Variants in RTBDN observed in about 807,000 individuals in gnomAD.
RTBDN encodes the protein retbindin.
A neutral mutation model predicts 21.9 loss-of-function variants in RTBDN; 24 were observed. The ratio of observed to expected loss-of-function variants is 1.10; its 90% confidence interval spans 0.79 to 1.54. The LOEUF (loss-of-function observed/expected upper bound fraction) is 1.54, where lower values mean the gene tolerates loss of function less well. RTBDN is among the 40% of genes most tolerant of loss of function. The pLI, the probability that RTBDN is intolerant of heterozygous loss-of-function variation, is 0.00. For synonymous variants in RTBDN, 141 were observed against 125.9 expected (o/e 1.12, Z -0.80); for missense variants, 325 against 315.2 (o/e 1.03, Z -0.23).
intron 1 of RTBDN, among the ~76,000 whole-genome samples, chr19:12,833,274 G>T (rs1445006103): frequency 6.6e-6 from 1 of 152,128 alleles, no homozygotes; most frequent in African/African-American, 2.4e-5. Flanking sequence ...CTCTCCTGGG[G>T]CTGTAGAGGT....
Position 12,828,683 on chromosome 19 carries a change from C to A in RTBDN, c.339G>T (p.Pro113=). 1 of 1,613,998 alleles carries A rather than the reference C, an allele frequency of 6.2e-7. No homozygotes were observed. The highest frequency in any genetic ancestry group is 8.5e-7 in the Non-Finnish European group (1 of 1,179,924). ...LRLLGVRQAQ[P]LCEELCQAWF... is the part of the protein sequence containing the mutation. ...AGGCCTGGCAGAGCTCCTCGCAGAG[C>A]GGCTGTGCCTGGCGTACCCCCAATA... Residue 113 remains proline, a synonymous_variant, in exon 4 of 6, where the codon CCG becomes CCT. Coordinates refer to ENST00000674343, the MANE Select transcript of RTBDN (RefSeq NM_001270441.2).
chr19:12,833,050 A>G (rs1228376502), intron 1 of RTBDN: 1 of 152,246 alleles, frequency 6.6e-6, no homozygotes, highest in Non-Finnish European at 1.5e-5. Context: ...ACTACCAGCT[A>G]ATCGCTCCTA....
upstream of RTBDN, chr19:12,834,930 C>A: frequency 6.4e-7 from 1 of 1,565,612 alleles, no homozygotes; most frequent in South Asian, 1.1e-5. The surrounding 1 kb of genome is among the most constrained non-coding windows in gnomAD (Gnocchi z 4.7). Flanking sequence ...ATATCTGTGC[C>A]CCAAGGCCCT....
upstream of RTBDN, chr19:12,834,973 G>A (rs1393405647): frequency 1.3e-6 from 2 of 1,558,776 alleles, no homozygotes; most frequent in South Asian, 1.1e-5. The surrounding 1 kb of genome is among the most constrained non-coding windows in gnomAD (Gnocchi z 4.7). Context: ...GCCTCCTTGG[G>A]GCTCAGCCCC....
At position 12,825,596 on chromosome 19, in the gene RTBDN, C is replaced by A. The variant is rs1258657120; in HGVS notation, c.*110G>T. 2.8e-6 allele frequency: 4 copies of A among 1,431,224 alleles called. No homozygotes were observed. The Admixed American group carries it at 7.6e-5, about 27-fold the overall frequency. 88.7% of individuals were successfully genotyped at this position (1,431,224 alleles called of 1,614,324 possible). ...TGGAGCTCCAGGGAGGAGGGACAGACATCTCAAAACTATTACAGAAGGCCG... is the reference window on the plus strand; with the variant it reads ...TGGAGCTCCAGGGAGGAGGGACAGAAATCTCAAAACTATTACAGAAGGCCG... On this transcript the variant is annotated 3_prime_UTR_variant, in exon 6 of 6. Coordinates refer to ENST00000674343, the MANE Select transcript of RTBDN (RefSeq NM_001270441.2).
chr19:12,835,032 C>G (rs1416398973), upstream of RTBDN: 1 of 1,603,462 alleles, frequency 6.2e-7, no homozygotes, highest in Admixed American at 1.7e-5. Context: ...GGCCCAGACT[C>G]AGGCTCCATC....
chr19:12,829,763 G>A lies in RTBDN; in HGVS notation c.169+48C>T, dbSNP rs1466134795. On this transcript the variant is annotated intron_variant, in intron 2 of 5. Coordinates refer to ENST00000674343, the MANE Select transcript of RTBDN (RefSeq NM_001270441.2). ...TTCTAACATTGTCATGGCAGGGTAG[G>A]TGTGGGTTTCTGGGTGTTGGTGGTG... 3 of 1,564,806 alleles carry A rather than the reference G, an allele frequency of 1.9e-6. No individual in the cohort carries two copies. The Admixed American group carries it at 5.2e-5, about 27-fold the overall frequency.
intron 5 of RTBDN, chr19:12,826,533 AAAATAC>A (rs1969306242): frequency 1.3e-6 from 1 of 756,888 alleles, no homozygotes; most frequent in Non-Finnish European, 1.9e-6. Flanking sequence ...GACTCTACTA[AAAATAC>A]AAAAATTAGC....
chr19:12,833,906 C>G (rs193188945), intron 1 of RTBDN: 6 of 395,360 alleles, frequency 1.5e-5, no homozygotes, highest in African/African-American at 1.2e-4. Flanking sequence ...TCCCTCCTCC[C>G]TCCTCCCGCC....
upstream of RTBDN, chr19:12,835,298 A>G (rs572556072): frequency 1.7e-5 from 10 of 592,968 alleles, no homozygotes; most frequent in Non-Finnish European, 3.0e-5. Flanking sequence ...GGCCTCTCTG[A>G]AGTGCTCCCA....
chr19:12,835,099 T>A (rs766782589), upstream of RTBDN: 10 of 1,612,856 alleles, frequency 6.2e-6, no homozygotes, highest in Middle Eastern at 4.9e-4. Context: ...CTTCGTCCAT[T>A]TCTAGACTCC....
chr19:12,831,194 G>A (rs578061401), intron 1 of RTBDN, among the ~76,000 whole-genome samples: 1 of 152,250 alleles, frequency 6.6e-6, no homozygotes, highest in East Asian at 1.9e-4. Flanking sequence ...GGAAGTCAGT[G>A]GATAAAGGTT....
chr19:12,826,898 TA>T (rs1969327180), intron 4 of RTBDN, 27 bp from the exon 5 acceptor site: 18 of 1,484,818 alleles, frequency 1.2e-5, no homozygotes, highest in Non-Finnish European at 1.7e-5. Flanking sequence ...GAGAGGTGGG[TA>T]AAGCCTTTGT....
intron 4 of RTBDN, among the ~76,000 whole-genome samples, chr19:12,827,980 C>T (rs1468317803): frequency 2.0e-5 from 3 of 151,652 alleles, no homozygotes; most frequent in Non-Finnish European, 4.4e-5. Context: ...GTAATCTCAG[C>T]TACTAGGGAT....
Position 12,830,999 on chromosome 19 carries a change from G to T in RTBDN, c.-18-1002C>A, listed in dbSNP as rs1969551512. 6.9e-6 allele frequency among the ~76,000 whole-genome samples: 1 copy of T among 144,606 alleles called. No homozygotes were observed. The highest frequency in any genetic ancestry group is 2.0e-4 in the East Asian group (1 of 4,958). 94.9% of individuals were successfully genotyped at this position (144,606 alleles called of 152,430 possible). A position where few individuals can be genotyped will look rare whatever the true frequency, so the allele number is the denominator to read the frequency against. On this transcript the variant is annotated intron_variant, in intron 1 of 5. Transcript: ENST00000674343. This position sits in a 1 kb window ranked among gnomAD's most constrained non-coding sequence, Gnocchi z 4.2. ...GTTGTATGAGGTTATGTTTATGTGT[G>T]TTTCTTGGTGGAGTGGTTGTGTGTG... is the stretch of plus-strand genomic sequence containing the variant.
chr19:12,827,223 G>A lies in RTBDN; in HGVS notation c.366-352C>T, dbSNP rs150538041. Among the ~76,000 whole-genome samples, 259 of 151,956 alleles carry A rather than the reference G, an allele frequency of 1.7e-3. 1 individual carries two copies. Among genetic ancestry groups the A allele is most frequent in the African/African-American group, 5.7e-3 (237 of 41,438 alleles). ...AGCTGGAGTGCAGTGGCGTAAGCAT[G>A]GCTTATGGCAGCTTTGACCTCCCAA... On this transcript the variant is annotated intron_variant, in intron 4 of 5. Coordinates refer to ENST00000674343, the MANE Select transcript of RTBDN (RefSeq NM_001270441.2).
upstream of RTBDN, chr19:12,834,832 T>C (rs762208382): frequency 1.2e-6 from 2 of 1,614,168 alleles, no homozygotes; most frequent in Non-Finnish European, 1.7e-6. This position sits in a 1 kb window ranked among gnomAD's most constrained non-coding sequence, Gnocchi z 4.7. Flanking sequence ...CCTCTGCTCG[T>C]CTTCAGCTGC....
chr19:12,829,570 G>A (rs1352098818), intron 2 of RTBDN, among the ~76,000 whole-genome samples: 1 of 152,060 alleles, frequency 6.6e-6, no homozygotes, highest in Non-Finnish European at 1.5e-5. Context: ...CTCTTTTTGG[G>A]GGTCCATGTG....
chr19:12,833,683 A>C (rs1001242350), intron 1 of RTBDN, among the ~76,000 whole-genome samples: 1 of 151,986 alleles, frequency 6.6e-6, no homozygotes, highest in Non-Finnish European at 1.5e-5. Flanking sequence ...GTCTCTCGGC[A>C]GCTTGGCTCC....
Sources: gnomAD v4.1 joint callset for allele counts (sites outside exome capture counted in the v4.1 genomes callset) on GRCh38, gnomAD v4.1.1 for gene constraint, Gnocchi (gnomAD v3.1) non-coding constraint, MANE v1.5 for transcripts, NCBI Gene and HGNC (gene_info 2026-07-23, HGNC 2026-07-21) for gene names.